Variants in SLCO6A1 observed in about 807,000 individuals in gnomAD.
The protein encoded by SLCO6A1 is solute carrier organic anion transporter family member 6A1.
Under a neutral mutation model 72.7 loss-of-function variants are expected in SLCO6A1, and 65 were observed. The ratio of observed to expected loss-of-function variants is 0.89; its 90% confidence interval spans 0.73 to 1.10. The LOEUF is 1.10. Ranked by LOEUF, SLCO6A1 falls within the 50% of genes least tolerant of loss-of-function variation. The probability of loss-of-function intolerance (pLI) is 0.00; values close to 1 mark genes in which losing one functional copy is unlikely to be tolerated. For missense variants in SLCO6A1, 874 were observed against 872.6 expected (o/e 1.00, Z -0.02); for synonymous variants, 314 against 298.2 (o/e 1.05, Z -0.55).
intron 1 of SLCO6A1, among the ~76,000 whole-genome samples, chr5:102,491,664 C>G (rs72779996): frequency 0.072 from 10,919 of 152,360 alleles, 451 homozygotes; most frequent in African/African-American, 0.1. Context: ...GAGCTCACGC[C>G]CACCCAGAAC....
intron 12 of SLCO6A1, among the ~76,000 whole-genome samples, chr5:102,386,447 T>A (rs28786103): frequency 1.5e-4 from 23 of 151,948 alleles, no homozygotes; most frequent in Non-Finnish European, 3.4e-4. Context: ...CAGGACTGCA[T>A]TGGGGTCTAC....
intron 7 of SLCO6A1, among the ~76,000 whole-genome samples, chr5:102,435,148 G>A (rs1749457895): frequency 6.6e-6 from 1 of 152,136 alleles, no homozygotes; most frequent in Admixed American, 6.5e-5. Flanking sequence ...TAGCTTTGCT[G>A]TGACCCTCTT....
At chr5:102,479,941 C>G (rs1171316370) in intron 2 of SLCO6A1, among the ~76,000 whole-genome samples, 3 of 152,144 alleles carry the variant, frequency 2.0e-5, no homozygotes, top group African/African-American at 7.2e-5. Flanking sequence ...TGAACAACAT[C>G]TGAAAATAAA....
intron 1 of SLCO6A1, among the ~76,000 whole-genome samples, chr5:102,486,970 T>G (rs1345199685): frequency 6.6e-6 from 1 of 152,180 alleles, no homozygotes; most frequent in African/African-American, 2.4e-5. Flanking sequence ...TATTTGAAGT[T>G]CCCGATGGTA....
At chr5:102,430,696 G>C (rs905787584) in intron 7 of SLCO6A1, among the ~76,000 whole-genome samples, 1 of 151,908 alleles carries the variant, frequency 6.6e-6, no homozygotes, top group African/African-American at 2.4e-5. Context: ...GGATTTATTT[G>C]CTAGTATGTA....
intron 13 of SLCO6A1, among the ~76,000 whole-genome samples, 161 bp downstream of exon 13, chr5:102,373,176 A>AT (rs1750717397): frequency 6.6e-6 from 1 of 151,838 alleles, no homozygotes; most frequent in South Asian, 2.1e-4. Context: ...ATTTTTAAAA[A>AT]TTTTAAACAC....
intron 4 of SLCO6A1, among the ~76,000 whole-genome samples, chr5:102,474,477 G>A (rs1483568863): frequency 2.0e-5 from 3 of 151,936 alleles, no homozygotes; most frequent in African/African-American, 7.2e-5. Context: ...AGTTCCTAGA[G>A]GAAAGCATAG....
chr5:102,475,660 T>C (rs764221561), intron 4 of SLCO6A1, 37 bp downstream of exon 4: 10 of 1,399,598 alleles, frequency 7.1e-6, no homozygotes, highest in Non-Finnish European at 8.9e-6. Context: ...AAGTATTTTA[T>C]ACAATGTAAA....
At chr5:102,375,349 G>C (rs1252067016) in intron 12 of SLCO6A1, among the ~76,000 whole-genome samples, 1 of 152,068 alleles carries the variant, frequency 6.6e-6, no homozygotes, top group African/African-American at 2.4e-5. Context: ...TCAAACTAAA[G>C]CTGCAAACTA....
At position 102,459,743 on chromosome 5, in the gene SLCO6A1, A is replaced by T. The variant is rs546930803; in HGVS notation, c.934T>A (p.Trp312Arg). ...AAAAGAAAATTAATCCACCAAGTCC[A>T]TAGCCATTCTGGACTACCATTATTG... ...TVNNGSPEWL[W>R]TWWINFLFAA... Residue 312 changes from tryptophan to arginine, a missense_variant, in exon 5 of 14, where the codon TGG becomes AGG. Coordinates refer to ENST00000506729, the MANE Select transcript of SLCO6A1 (RefSeq NM_173488.5). 3 of 1,608,922 alleles carry T rather than the reference A, an allele frequency of 1.9e-6. No individual in the cohort carries two copies. The highest frequency in any genetic ancestry group is 2.5e-6 in the Non-Finnish European group (3 of 1,177,672).
rs567385688 is a variant in SLCO6A1, at chr5:102,443,623, T to C, written c.1132-4862A>G. On this transcript the variant is annotated intron_variant, in intron 6 of 13. Transcript: ENST00000506729. ...TGGCTAAAACATTTGGATTACATTA[T>C]ACAGAGCATGGTAACCAATGCACAA... is the stretch of plus-strand genomic sequence containing the variant. 8.5e-5 allele frequency among the ~76,000 whole-genome samples: 13 copies of C among 152,344 alleles called. No homozygotes were observed. In the South Asian group the frequency reaches 2.5e-3, roughly 29 times the overall value.
At chr5:102,497,222 C>A (rs116106588) in intron 1 of SLCO6A1, among the ~76,000 whole-genome samples, 1 of 152,150 alleles carries the variant, frequency 6.6e-6, no homozygotes. Context: ...AATTCACCTT[C>A]TTCAAAATAT....
At chr5:102,377,021 G>A (rs369382220) in intron 12 of SLCO6A1, among the ~76,000 whole-genome samples, 24 of 151,932 alleles carry the variant, frequency 1.6e-4, no homozygotes, top group African/African-American at 5.6e-4. Context: ...TAAATTAGCC[G>A]GGCATGGTGG....
chr5:102,492,908 C>T (rs947920680), intron 1 of SLCO6A1, among the ~76,000 whole-genome samples: 1 of 152,112 alleles, frequency 6.6e-6, no homozygotes, highest in African/African-American at 2.4e-5. Context: ...CTGGGTGGAG[C>T]CCACCACTGC....
intron 10 of SLCO6A1, among the ~76,000 whole-genome samples, chr5:102,391,416 C>T (rs1746751631): frequency 6.6e-6 from 1 of 152,110 alleles, no homozygotes; most frequent in Non-Finnish European, 1.5e-5. Flanking sequence ...GTGAGATTCA[C>T]TCTCCACATT....
At position 102,386,850 on chromosome 5, in the gene SLCO6A1, G is replaced by A. The variant is rs10051762; in HGVS notation, c.2017+1838C>T. Reference sequence around the variant, plus strand: ...ATTTTACTGAGACAGACTTGGTTTCGAGTCAATGGCAATCAGGTTCTTGCT... The same window carrying A: ...ATTTTACTGAGACAGACTTGGTTTCAAGTCAATGGCAATCAGGTTCTTGCT... On this transcript the variant is annotated intron_variant, in intron 12 of 13. Coordinates refer to ENST00000506729, the MANE Select transcript of SLCO6A1 (RefSeq NM_173488.5). 1.9e-4 allele frequency among the ~76,000 whole-genome samples: 29 copies of A among 152,278 alleles called. No individual in the cohort carries two copies. The East Asian group carries it at 2.1e-3, about 11-fold the overall frequency.
intron 6 of SLCO6A1, among the ~76,000 whole-genome samples, chr5:102,444,257 T>G (rs1432142639): frequency 1.3e-5 from 2 of 152,194 alleles, no homozygotes. Flanking sequence ...TTGTAAAATC[T>G]CAACCAGGGC....
intron 10 of SLCO6A1, among the ~76,000 whole-genome samples, chr5:102,397,063 T>G (rs957887162): frequency 6.6e-6 from 1 of 152,162 alleles, no homozygotes; most frequent in African/African-American, 2.4e-5. Context: ...AGGATCTAGT[T>G]CTTTTCTTCT....
In SLCO6A1 at chr5:102,438,774, TAA is replaced by T. The variant is rs754567702; in HGVS notation, c.1132-15_1132-14del. On this transcript the variant is annotated splice_polypyrimidine_tract_variant and intron_variant, in intron 6 of 13. Coordinates refer to ENST00000506729, the MANE Select transcript of SLCO6A1 (RefSeq NM_173488.5). Reference sequence around the variant, plus strand: ...TCTTCATCAGAATCTGAAATAAAAATAAGTTATATATCTATTATTTTATTTTG... The same window carrying T: ...TCTTCATCAGAATCTGAAATAAAAATGTTATATATCTATTATTTTATTTTG... The T allele has an allele frequency of 8.6e-6, 13 of 1,507,750 alleles. No individual in the cohort carries two copies. The highest frequency in any genetic ancestry group is 2.4e-5 in the Admixed American group (1 of 42,374). 93.4% of individuals were successfully genotyped at this position (1,507,750 alleles called of 1,614,324 possible).
Sources: allele counts gnomAD v4.1 joint callset (sites outside exome capture counted in the v4.1 genomes callset), GRCh38; gene constraint gnomAD v4.1.1; transcripts MANE v1.5; gene names NCBI Gene and HGNC (gene_info 2026-07-23, HGNC 2026-07-21).